Variants in TGM7 observed in about 807,000 individuals in gnomAD.
TGM7 encodes the protein transglutaminase 7.
Under a neutral mutation model 79.5 loss-of-function variants are expected in TGM7, and 74 were observed. The observed-to-expected ratio is 0.93, with a 90% CI of 0.77 to 1.13. The LOEUF (loss-of-function observed/expected upper bound fraction) is 1.13. Ranked by LOEUF, TGM7 falls within the 50% of genes most tolerant of loss-of-function variation. TGM7 has a pLI of 0.00. For synonymous variants in TGM7, 354 were observed against 362.5 expected, an observed-to-expected ratio of 0.98 and a Z score of 0.27; for missense variants, 912 against 905.9, an observed-to-expected ratio of 1.01 and a Z score of -0.09.
At position 43,279,139 on chromosome 15, in the gene TGM7, T is replaced by C. The variant is rs1051526315; in HGVS notation, c.1817A>G (p.Glu606Gly). ...TACCTCAATAGACAAGTGGGGAGGC[T>C]CCAGACAGATATCTTTTAGGACCAG... is the stretch of plus-strand genomic sequence containing the variant. Reference protein sequence around the residue: ...SMLVLKDICLEPPHLSIEVSE... With the variant: ...SMLVLKDICLGPPHLSIEVSE... Residue 606 changes from glutamate (E) to glycine (G), a missense_variant, in exon 11 of 13, where the codon GAG (glutamate) becomes GGG (glycine). Coordinates refer to ENST00000452443, the MANE Select transcript of TGM7 (RefSeq NM_052955.3). The C allele has an allele frequency of 1.9e-6, 3 of 1,613,740 alleles. No individual in the cohort carries two copies. The highest frequency in any genetic ancestry group is 2.7e-5 in the African/African-American group (2 of 74,870).
chr15:43,280,980 G>C (rs1480831928), intron 9 of TGM7, among the ~76,000 whole-genome samples: 2 of 152,188 alleles, frequency 1.3e-5, no homozygotes, highest in Non-Finnish European at 2.9e-5. Flanking sequence ...CTGGTCAGCT[G>C]CTTAATTGAG....
At chr15:43,283,022 C>A (rs2042917217) in intron 7 of TGM7, among the ~76,000 whole-genome samples, 1 of 152,144 alleles carries the variant, frequency 6.6e-6, no homozygotes, top group Non-Finnish European at 1.5e-5. Context: ...TGCACTCCAG[C>A]CTGGGCCACA....
At chr15:43,280,046 G>C in intron 9 of TGM7, 95 bp from the exon 10 acceptor site, 1 of 1,201,994 alleles carries the variant, frequency 8.3e-7, no homozygotes, top group Non-Finnish European at 1.2e-6. Flanking sequence ...TAGCAGCACA[G>C]GGAGGCGGCG....
At chr15:43,296,269 C>G (rs887076614) in intron 1 of TGM7, among the ~76,000 whole-genome samples, 1 of 151,820 alleles carries the variant, frequency 6.6e-6, no homozygotes, top group Non-Finnish European at 1.5e-5. Context: ...ACTAAAGATA[C>G]AAAAAATTAG....
intron 11 of TGM7, 100 bp downstream of exon 11, chr15:43,279,017 G>A: frequency 4.6e-6 from 6 of 1,293,498 alleles, no homozygotes; most frequent in Non-Finnish European, 6.4e-6. Flanking sequence ...CCATCGGTGT[G>A]GTGAGAGGTG....
chr15:43,285,332 ACT>A (rs1213221264), intron 6 of TGM7, among the ~76,000 whole-genome samples: 1 of 152,150 alleles, frequency 6.6e-6, no homozygotes, highest in Non-Finnish European at 1.5e-5. Flanking sequence ...GGGGTTTGAG[ACT>A]CAGCCTGGCC....
At position 43,282,507 on chromosome 15, in the gene TGM7, CCTCA is replaced by C; in HGVS notation, c.1108+6_1108+9del. The C allele has an allele frequency of 6.4e-7, 1 of 1,573,732 alleles. No homozygotes were observed. The highest frequency in any genetic ancestry group is 8.6e-7 in the Non-Finnish European group (1 of 1,157,762). ...CAGAGCCAGAGCCTGTTGCAATGGT[CCTCA>C]CTCACCACTGCTGGTCTGCTGGGGA... On this transcript the variant is annotated splice_donor_region_variant and intron_variant, in intron 8 of 12. Coordinates refer to ENST00000452443, the MANE Select transcript of TGM7 (RefSeq NM_052955.3).
At position 43,276,855 on chromosome 15, in the gene TGM7, CACTT is replaced by C; in HGVS notation, c.1973+3_1973+6del. The C allele has an allele frequency of 1.9e-6, 3 of 1,613,582 alleles. No homozygotes were observed. Among genetic ancestry groups the C allele is most frequent in the Non-Finnish European group, 2.5e-6 (3 of 1,179,688 alleles). On this transcript the variant is annotated splice_donor_5th_base_variant and intron_variant, in intron 12 of 12. Transcript: ENST00000452443. ...GCAAGGGGGAGGTGGGCAGAAGCGT[CACTT>C]ACTCCTTTGCTATCTGCCCATTGAT...
chr15:43,278,085 C>G (rs1362511982), intron 11 of TGM7, among the ~76,000 whole-genome samples: 1 of 152,248 alleles, frequency 6.6e-6, no homozygotes, highest in Non-Finnish European at 1.5e-5. Flanking sequence ...GCTGGCCCGA[C>G]AGCCTGACAG....
chr15:43,276,497 T>G lies in TGM7; in HGVS notation c.2091A>C (p.Lys697Asn). ...LISSNEVKEI[K>N]GYKDIFVTVA... Reference sequence around the variant, plus strand: ...CAGTGACGAAGATGTCCTTGTAGCCTTTGATCTCCTTGACCTCGTTGCTGC... The same window carrying G: ...CAGTGACGAAGATGTCCTTGTAGCCGTTGATCTCCTTGACCTCGTTGCTGC... The change falls in exon 13 of 13, where the codon AAA (lysine) becomes AAC (asparagine). Residue 697 changes from lysine to asparagine, a missense_variant. By Grantham distance (94) the Lys-to-Asn change is moderately conservative. Transcript: ENST00000452443. The G allele has an allele frequency of 6.2e-7, 1 of 1,614,058 alleles. No homozygotes were observed. The highest frequency in any genetic ancestry group is 1.1e-5 in the South Asian group (1 of 91,076).
intron 4 of TGM7, among the ~76,000 whole-genome samples, chr15:43,290,041 C>T (rs1250168880): frequency 5.3e-5 from 8 of 152,204 alleles, no homozygotes; most frequent in African/African-American, 1.4e-4. Flanking sequence ...GGTAGTTTCT[C>T]TTGCTGTGCA....
Position 43,302,225 on chromosome 15 carries a change from G to T in TGM7, c.10+16C>A. ...CTTAGCACCTCCGAAAAGGTAAGTC[G>T]ATTCCCAGTACTCACCCTGATCCAT... On this transcript the variant is annotated intron_variant, in intron 1 of 12. Coordinates refer to ENST00000452443, the MANE Select transcript of TGM7 (RefSeq NM_052955.3). The T allele has an allele frequency of 6.2e-7, 1 of 1,614,030 alleles. No homozygotes were observed.
intron 11 of TGM7, 120 bp from the exon 12 acceptor site, chr15:43,277,115 G>T: frequency 7.7e-7 from 1 of 1,302,610 alleles, no homozygotes; most frequent in Non-Finnish European, 1.1e-6. Context: ...GAGCTAATGT[G>T]CCACAGTGGC....
At position 43,276,437 on chromosome 15, in the gene TGM7, G is replaced by A. The variant is rs1566841433; in HGVS notation, c.*18C>T. ...AGGTGGGGCAGGGGTGCCAGGGAGG[G>A]CAGCTGGAGGGCGGGTCTCAGGGAG... On this transcript the variant is annotated 3_prime_UTR_variant, in exon 13 of 13. Transcript: ENST00000452443. 1.2e-6 allele frequency: 2 copies of A among 1,604,478 alleles called. No individual in the cohort carries two copies. Among genetic ancestry groups the A allele is most frequent in the South Asian group, 2.2e-5 (2 of 89,630 alleles).
intron 4 of TGM7, among the ~76,000 whole-genome samples, chr15:43,291,266 A>G (rs1596463573): frequency 6.6e-6 from 1 of 152,316 alleles, no homozygotes; most frequent in East Asian, 1.9e-4. Flanking sequence ...GAGAGTTTTT[A>G]GCATGAAGGT....
chr15:43,282,877 T>C (rs2042916621), intron 7 of TGM7, among the ~76,000 whole-genome samples: 2 of 152,116 alleles, frequency 1.3e-5, no homozygotes, highest in South Asian at 4.2e-4. Flanking sequence ...AGTGAAACCC[T>C]GTCTCTACCA....
chr15:43,283,888 C>T (rs1235830428), intron 7 of TGM7, among the ~76,000 whole-genome samples: 1 of 152,192 alleles, frequency 6.6e-6, no homozygotes, highest in Non-Finnish European at 1.5e-5. Flanking sequence ...CCTAGGACAG[C>T]AGGTAGTTCT....
rs78001528 is a variant in TGM7 at position 43,284,801 on chromosome 15, C to G, written c.1004+13G>C. ...GGACAAAGCAGAGATCTGTTCAAGA[C>G]AGTGCCTCTCACCATATTTTGTCTC... On this transcript the variant is annotated intron_variant, in intron 7 of 12. Coordinates refer to ENST00000452443, the MANE Select transcript of TGM7 (RefSeq NM_052955.3). The G allele has an allele frequency of 2.2e-4, 351 of 1,614,166 alleles. 5 individuals are homozygous for G. The East Asian group carries it at 6.3e-3, about 29-fold the overall frequency.
In TGM7 at chr15:43,292,890, C is replaced by T. The variant is rs74948281; in HGVS notation, c.258G>A (p.Gly86=). 2.3e-4 allele frequency: 365 copies of T among 1,613,926 alleles called. 1 individual carries two copies. In the African/African-American group the frequency reaches 4.4e-3, roughly 19 times the overall value. The stretch of plus-strand genomic sequence containing the variant: ...TGAAATCAGAAGCGCTCCAGACATT[C>T]CCGGGCTGGACCCGGGTGAGGAAGA... ...ATFFLTRVQP[G]NVWSASDFTI... Residue 86 remains glycine (G), a synonymous_variant, in exon 3 of 13, where the codon GGG becomes GGA. Coordinates refer to ENST00000452443, the MANE Select transcript of TGM7 (RefSeq NM_052955.3).
Sources: gnomAD v4.1 joint callset for allele counts (sites outside exome capture counted in the v4.1 genomes callset) on GRCh38, gnomAD v4.1.1 for gene constraint, MANE v1.5 for transcripts, NCBI Gene and HGNC (gene_info 2026-07-23, HGNC 2026-07-21) for gene names.